The following NPAS2 variants were observed in gnomAD, a reference collection of about 807,000 sequenced individuals.
The protein encoded by NPAS2 is neuronal PAS domain-containing protein 2.
A neutral mutation model predicts 107.5 loss-of-function variants in NPAS2; 23 were observed. That is an observed-to-expected ratio of 0.21 (90% CI 0.15 to 0.30). The LOEUF (loss-of-function observed/expected upper bound fraction) is 0.30, where lower values mean the gene tolerates loss of function less well. Ranked by LOEUF, NPAS2 falls within the 10% of genes least tolerant of loss-of-function variation. The probability of loss-of-function intolerance (pLI) is 1.00; values close to 1 mark genes in which losing one functional copy is unlikely to be tolerated. For missense variants in NPAS2, 756 were observed against 1,043.3 expected (o/e 0.72, Z 3.79); for synonymous variants, 403 against 417.5 (o/e 0.97, Z 0.42).
At chr2:100,913,395 C>T (rs1682673255) in intron 2 of NPAS2, among the ~76,000 whole-genome samples, 1 of 152,134 alleles carries the variant, frequency 6.6e-6, no homozygotes, top group African/African-American at 2.4e-5. Flanking sequence ...TCTATATTCC[C>T]CCATCAGGAT....
At chr2:100,838,419 A>G (rs1235390279) in intron 1 of NPAS2, among the ~76,000 whole-genome samples, 1 of 152,066 alleles carries the variant, frequency 6.6e-6, no homozygotes, top group East Asian at 1.9e-4. Flanking sequence ...CTGGGATTAC[A>G]GGCACCCACC....
intron 1 of NPAS2, among the ~76,000 whole-genome samples, chr2:100,854,352 G>C (rs937111894): frequency 6.6e-6 from 1 of 152,080 alleles, no homozygotes; most frequent in Non-Finnish European, 1.5e-5. Flanking sequence ...CAACTACTGG[G>C]AAGGAAGTGG....
At chr2:100,992,274 G>A (rs1678179525) in intron 19 of NPAS2, among the ~76,000 whole-genome samples, 1 of 152,226 alleles carries the variant, frequency 6.6e-6, no homozygotes, top group African/African-American at 2.4e-5. Flanking sequence ...AATTAGCCGG[G>A]TGTGGTGGCA....
In NPAS2 at chr2:100,973,922, A is replaced by G. The variant is rs554273244; in HGVS notation, c.1141-881A>G. The stretch of plus-strand genomic sequence containing the variant: ...AATGGCATGATCTCAGCTCACTGCA[A>G]CCTCTGCCTCCGAAGTTCAAACCAT... On this transcript the variant is annotated intron_variant, in intron 12 of 20. Coordinates refer to ENST00000335681, the MANE Select transcript of NPAS2 (RefSeq NM_002518.4). 2.4e-4 allele frequency among the ~76,000 whole-genome samples: 36 copies of G among 152,040 alleles called. 1 individual carries two copies. Among genetic ancestry groups the G allele is most frequent in the Middle Eastern group, 3.4e-3 (1 of 294 alleles).
At chr2:100,854,507 C>G (rs1457193781) in intron 1 of NPAS2, among the ~76,000 whole-genome samples, 2 of 152,202 alleles carry the variant, frequency 1.3e-5, no homozygotes, top group Non-Finnish European at 2.9e-5. Context: ...GACCTAGACT[C>G]TACCCCAGCA....
chr2:100,871,912 G>A (rs1455245175), intron 1 of NPAS2, among the ~76,000 whole-genome samples: 1 of 152,056 alleles, frequency 6.6e-6, no homozygotes, highest in Non-Finnish European at 1.5e-5. Context: ...CTCTTCATGG[G>A]TCTTCTGTTG....
intron 1 of NPAS2, among the ~76,000 whole-genome samples, chr2:100,882,604 C>T (rs1680438463): frequency 6.6e-6 from 1 of 151,632 alleles, no homozygotes; most frequent in Non-Finnish European, 1.5e-5. Flanking sequence ...CAGAGCGAGA[C>T]TCCGTCTCAA....
intron 1 of NPAS2, among the ~76,000 whole-genome samples, chr2:100,903,786 G>A (rs893830264): frequency 2.0e-5 from 3 of 152,054 alleles, no homozygotes; most frequent in African/African-American, 4.8e-5. Flanking sequence ...CCCTGAGAAC[G>A]GTTCTGCTTG....
intron 7 of NPAS2, among the ~76,000 whole-genome samples, chr2:100,951,708 A>G (rs1035466263): frequency 1.3e-5 from 2 of 152,182 alleles, no homozygotes; most frequent in African/African-American, 2.4e-5. Context: ...AAATGGGGAC[A>G]GAGTTTCAGT....
At chr2:100,844,918 A>AC (rs1245570693) in intron 1 of NPAS2, among the ~76,000 whole-genome samples, 1 of 152,166 alleles carries the variant, frequency 6.6e-6, no homozygotes, top group African/African-American at 2.4e-5. Flanking sequence ...AACAAAGACC[A>AC]CCCAAATGAG....
At chr2:100,885,321 A>G (rs1006764771) in intron 1 of NPAS2, among the ~76,000 whole-genome samples, 2 of 152,230 alleles carry the variant, frequency 1.3e-5, no homozygotes, top group Non-Finnish European at 2.9e-5. Context: ...GAAAACAGAA[A>G]AATTTTTAAT....
At chr2:100,925,351 G>T in intron 3 of NPAS2, 57 bp downstream of exon 3, 1 of 1,577,620 alleles carries the variant, frequency 6.3e-7, no homozygotes, top group South Asian at 1.2e-5. Context: ...ATGTGGTGAT[G>T]ACTTCACCAA....
intron 6 of NPAS2, among the ~76,000 whole-genome samples, 182 bp from the exon 7 acceptor site, chr2:100,949,185 A>G (rs1253668200): frequency 6.6e-6 from 1 of 152,194 alleles, no homozygotes; most frequent in Non-Finnish European, 1.5e-5. Flanking sequence ...TCTATGAACT[A>G]TGGAAGGAAA....
At chr2:100,992,051 A>G (rs933362325) in intron 19 of NPAS2, among the ~76,000 whole-genome samples, 11 of 152,186 alleles carry the variant, frequency 7.2e-5, no homozygotes, top group Non-Finnish European at 1.6e-4. Context: ...GTTCATGTCT[A>G]TCATTAGGTG....
At chr2:100,874,355 C>G (rs150114273) in intron 1 of NPAS2, among the ~76,000 whole-genome samples, 2,056 of 152,246 alleles carry the variant, frequency 0.014, 23 homozygotes, top group Non-Finnish European at 0.02. Flanking sequence ...TTGCCATATG[C>G]GGAGCACCCC....
chr2:100,980,761 G>A (rs575914637), intron 15 of NPAS2, among the ~76,000 whole-genome samples: 3 of 152,194 alleles, frequency 2.0e-5, no homozygotes, highest in Admixed American at 1.3e-4. Context: ...ATGAGTCACC[G>A]CCCCAGGCCC....
At position 100,964,069 on chromosome 2, in the gene NPAS2, T is replaced by C. The variant is rs750277651; in HGVS notation, c.610T>C (p.Ser204Pro). The C allele has an allele frequency of 6.2e-7, 1 of 1,613,030 alleles. No homozygotes were observed. Among genetic ancestry groups the C allele is most frequent in the South Asian group, 1.1e-5 (1 of 91,056 alleles). Residue 204 changes from serine to proline, a missense_variant, in exon 8 of 21, where the codon TCC becomes CCC. This residue lies in a region of NPAS2 where 30 missense variants were observed against 23.8 expected (regional missense o/e 1.26). Transcript: ENST00000335681. ...TCCCAACCCCCCAGTGCCTAGCCCC[T>C]CCTGTAATGGTTTTGACAACACCCT... ...FRSYNNVPSP[S>P]CNGFDNTLSR...
intron 1 of NPAS2, among the ~76,000 whole-genome samples, chr2:100,847,970 T>C (rs1188947851): frequency 6.6e-6 from 1 of 152,212 alleles, no homozygotes; most frequent in Admixed American, 6.5e-5. Context: ...AATATATGTC[T>C]TTCTGTGTTT....
At chr2:100,868,135 G>A (rs1485692411) in intron 1 of NPAS2, among the ~76,000 whole-genome samples, 1 of 152,112 alleles carries the variant, frequency 6.6e-6, no homozygotes, top group African/African-American at 2.4e-5. Context: ...TCCCATCTGG[G>A]ACAATTTCCT....
Sources: allele counts gnomAD v4.1 joint callset (sites outside exome capture counted in the v4.1 genomes callset), GRCh38; gene constraint gnomAD v4.1.1; regional missense constraint gnomAD v4.1.1; transcripts MANE v1.5; gene names NCBI Gene and HGNC (gene_info 2026-07-23, HGNC 2026-07-21).